LRRC4C: variants seen among roughly 807,000 people sequenced by gnomAD.
The protein encoded by LRRC4C is leucine-rich repeat-containing protein 4C.
In LRRC4C, 5 loss-of-function variants were observed where a neutral mutation model predicts 33.6. The ratio of observed to expected loss-of-function variants is 0.15; its 90% CI spans 0.08 to 0.31. The LOEUF (loss-of-function observed/expected upper bound fraction) is 0.31, where lower values mean the gene tolerates loss of function less well. Among genes scored for constraint, LRRC4C ranks in the 10% least tolerant of loss-of-function variants. The pLI, the probability that LRRC4C is intolerant of heterozygous loss-of-function variation, is 1.00. For synonymous variants in LRRC4C, 329 were observed against 302.0 expected (o/e 1.09, Z -0.93); for missense variants, 560 against 796.7 (o/e 0.70, Z 3.58).
intron 5 of LRRC4C, among the ~76,000 whole-genome samples, chr11:40,154,287 C>CAAAAAAAAAAAAAA (rs60017606): frequency 2.6e-5 from 3 of 114,202 alleles, no homozygotes; most frequent in Admixed American, 8.7e-5. Context: ...AGCTAAAAAG[C>CAAAAAAAAAAAAAA]AAAAAAAAAA....
At chr11:40,983,351 T>C (rs1158740194) in intron 1 of LRRC4C, among the ~76,000 whole-genome samples, 2 of 152,164 alleles carry the variant, frequency 1.3e-5, no homozygotes, top group Non-Finnish European at 1.5e-5. Context: ...TTACATCATG[T>C]ACAAAAGTTA....
chr11:40,640,515 T>G (rs188596352), intron 3 of LRRC4C, among the ~76,000 whole-genome samples: 1 of 151,654 alleles, frequency 6.6e-6, no homozygotes, highest in African/African-American at 2.4e-5. Context: ...TTCTATATAT[T>G]TTTTTTTAAA....
At chr11:40,916,641 T>C (rs528334878) in intron 2 of LRRC4C, among the ~76,000 whole-genome samples, 2 of 152,024 alleles carry the variant, frequency 1.3e-5, no homozygotes, top group South Asian at 2.1e-4. Flanking sequence ...GGCACATGTA[T>C]ACATATGTAA....
chr11:41,048,555 G>GC (rs1565334618), intron 1 of LRRC4C, among the ~76,000 whole-genome samples: 2 of 152,022 alleles, frequency 1.3e-5, no homozygotes, highest in African/African-American at 4.8e-5. Flanking sequence ...GAGCCACTGC[G>GC]CCCAGCCCGA....
intron 2 of LRRC4C, among the ~76,000 whole-genome samples, chr11:40,791,286 T>C (rs183200125): frequency 5.9e-5 from 9 of 152,338 alleles, no homozygotes; most frequent in East Asian, 1.9e-4. Flanking sequence ...CATTTTTCCA[T>C]AGTAAATACT....
intron 3 of LRRC4C, among the ~76,000 whole-genome samples, chr11:40,620,973 C>T (rs767341687): frequency 6.6e-6 from 1 of 151,640 alleles, no homozygotes; most frequent in Non-Finnish European, 1.5e-5. Context: ...GGCCTACAAG[C>T]TTGTTTTTTT....
chr11:41,038,310 AG>A (rs1857222402), intron 1 of LRRC4C, among the ~76,000 whole-genome samples: 1 of 152,214 alleles, frequency 6.6e-6, no homozygotes, highest in African/African-American at 2.4e-5. Context: ...AATTCTGTTG[AG>A]GGGGATCAGA....
intron 1 of LRRC4C, among the ~76,000 whole-genome samples, chr11:41,045,717 C>T (rs1645470787): frequency 6.6e-6 from 1 of 152,040 alleles, no homozygotes; most frequent in Non-Finnish European, 1.5e-5. Context: ...GAAAGCCCAG[C>T]TATTATTATT....
rs978378134 is a variant in LRRC4C at position 40,370,538 on chromosome 11, G to A, written c.-269-50817C>T. ...ATATGTATTTTAAACAAACTTCATT[G>A]TATGCACTGAGAATAGCAAGGCCCG... On this transcript the variant is annotated intron_variant, in intron 3 of 6. Coordinates refer to ENST00000528697, the MANE Select transcript of LRRC4C (RefSeq NM_001258419.2). 3.9e-5 allele frequency among the ~76,000 whole-genome samples: 6 copies of A among 152,138 alleles called. No homozygotes were observed. The South Asian group carries it at 1.2e-3, about 31-fold the overall frequency.
intron 3 of LRRC4C, among the ~76,000 whole-genome samples, chr11:40,641,050 A>T (rs1266157511): frequency 6.6e-6 from 1 of 151,832 alleles, no homozygotes; most frequent in South Asian, 2.1e-4. Flanking sequence ...ATTTAAAAAA[A>T]CCTAATAAAC....
At chr11:41,256,485 C>T (rs1320785117) in intron 1 of LRRC4C, among the ~76,000 whole-genome samples, 1 of 151,864 alleles carries the variant, frequency 6.6e-6, no homozygotes, top group Non-Finnish European at 1.5e-5. Context: ...TGCACAATGC[C>T]CATCTGTGCA....
intron 2 of LRRC4C, among the ~76,000 whole-genome samples, chr11:40,820,175 ACTGT>A (rs1254884355): frequency 9.9e-5 from 15 of 152,064 alleles, no homozygotes; most frequent in African/African-American, 2.9e-4. Context: ...GTCAATAGAA[ACTGT>A]CTAAGTAATG....
chr11:40,452,893 A>C (rs1951953104), intron 3 of LRRC4C, among the ~76,000 whole-genome samples: 1 of 152,202 alleles, frequency 6.6e-6, no homozygotes, highest in African/African-American at 2.4e-5. Flanking sequence ...GACATGGATG[A>C]AGCTGGAATC....
intron 2 of LRRC4C, among the ~76,000 whole-genome samples, chr11:40,714,943 T>A (rs1369862947): frequency 6.6e-6 from 1 of 152,192 alleles, no homozygotes; most frequent in Non-Finnish European, 1.5e-5. Flanking sequence ...GATTAAAGAC[T>A]GACATTTGAA....
intron 3 of LRRC4C, among the ~76,000 whole-genome samples, chr11:40,469,490 T>C (rs1278830726): frequency 6.6e-6 from 1 of 152,084 alleles, no homozygotes; most frequent in African/African-American, 2.4e-5. Context: ...GCAGGAATTT[T>C]TTGTCATGCC....
intron 3 of LRRC4C, among the ~76,000 whole-genome samples, chr11:40,406,347 A>C (rs1949964138): frequency 1.3e-5 from 2 of 152,066 alleles, no homozygotes; most frequent in Non-Finnish European, 2.9e-5. Flanking sequence ...ATGTGTGACT[A>C]TTATAGTCTG....
At chr11:41,304,418 G>A (rs1406780866) in intron 1 of LRRC4C, among the ~76,000 whole-genome samples, 13 of 65,944 alleles carry the variant, frequency 2.0e-4, no homozygotes, top group East Asian at 1.6e-3. Flanking sequence ...CCCTCCGCCC[G>A]GCCAGCCGCC....
At position 40,540,138 on chromosome 11, in the gene LRRC4C, G is replaced by T. The variant is rs1035747908; in HGVS notation, c.-270+108004C>A. Among the ~76,000 whole-genome samples, 11 of 152,246 alleles carry T rather than the reference G, an allele frequency of 7.2e-5. No homozygotes were observed. The East Asian group carries it at 1.7e-3, about 24-fold the overall frequency. On this transcript the variant is annotated intron_variant, in intron 3 of 6. Transcript: ENST00000528697. Reference sequence around the variant, plus strand: ...TAGATAGAATGGAAAATGCTTTTCAGCACCAACTCTACTATTCAGTGCTTT... The same window carrying T: ...TAGATAGAATGGAAAATGCTTTTCATCACCAACTCTACTATTCAGTGCTTT...
intron 1 of LRRC4C, among the ~76,000 whole-genome samples, chr11:41,087,549 G>A (rs1310709573): frequency 6.6e-6 from 1 of 151,942 alleles, no homozygotes; most frequent in Non-Finnish European, 1.5e-5. Context: ...GGCTGGTTTT[G>A]AATTCCTGGC....
Sources: gnomAD v4.1 joint callset for allele counts (sites outside exome capture counted in the v4.1 genomes callset) on GRCh38, gnomAD v4.1.1 for gene constraint, MANE v1.5 for transcripts, NCBI Gene and HGNC (gene_info 2026-07-23, HGNC 2026-07-21) for gene names.